The following TACR1 variants were observed in gnomAD, a reference collection of about 807,000 sequenced individuals.
The protein encoded by TACR1 is tachykinin receptor 1.
A neutral mutation model predicts 35.8 loss-of-function variants in TACR1; 25 were observed. The observed-to-expected ratio is 0.70, with a 90% CI of 0.51 to 0.98. TACR1 has a LOEUF of 0.98. Among genes scored for constraint, TACR1 ranks in the 50% least tolerant of loss-of-function variants. TACR1 has a pLI of 0.00. For missense variants in TACR1, 478 were observed against 522.9 expected (o/e 0.91, Z 0.84); for synonymous variants, 195 against 206.7 (o/e 0.94, Z 0.48).
At chr2:75,051,632 C>G (rs1396805123) in intron 3 of TACR1, among the ~76,000 whole-genome samples, 185 bp from the exon 4 acceptor site, 1 of 152,204 alleles carries the variant, frequency 6.6e-6, no homozygotes, top group Non-Finnish European at 1.5e-5. Context: ...GTTATGTCAG[C>G]TGTTCTCAGA....
chr2:75,101,958 A>T (rs1390173468), intron 2 of TACR1, among the ~76,000 whole-genome samples: 1 of 152,088 alleles, frequency 6.6e-6, no homozygotes, highest in African/African-American at 2.4e-5. Context: ...AAAATAAAAA[A>T]TAAAAAAATA....
intron 2 of TACR1, among the ~76,000 whole-genome samples, chr2:75,108,521 A>G (rs1187848206): frequency 6.6e-6 from 1 of 152,212 alleles, no homozygotes; most frequent in Non-Finnish European, 1.5e-5. Context: ...ATTGAACTTA[A>G]TTGTGAAACC....
chr2:75,161,009 T>G (rs534911167), intron 1 of TACR1, among the ~76,000 whole-genome samples: 1 of 152,058 alleles, frequency 6.6e-6, no homozygotes, highest in Non-Finnish European at 1.5e-5. Flanking sequence ...AGAGCCACAT[T>G]TACAAAATTA....
At chr2:75,104,861 C>G (rs72807367) in intron 2 of TACR1, among the ~76,000 whole-genome samples, 1,718 of 152,024 alleles carry the variant, frequency 0.011, 11 homozygotes, top group Non-Finnish European at 0.018. Context: ...GTTATGATGG[C>G]TATTACTAAA....
chr2:75,091,195 T>G, intron 2 of TACR1, among the ~76,000 whole-genome samples: 1 of 114,272 alleles, frequency 8.8e-6, no homozygotes, highest in Admixed American at 1.3e-4. Context: ...TATGGGCTCG[T>G]AGGTGCAAAA....
chr2:75,177,838 C>G (rs1381240578), intron 1 of TACR1, among the ~76,000 whole-genome samples: 5 of 152,196 alleles, frequency 3.3e-5, no homozygotes, highest in African/African-American at 1.2e-4. Context: ...CATGCTTCAA[C>G]ATTGCTTGAC....
At chr2:75,185,865 A>G (rs1176191065) in intron 1 of TACR1, among the ~76,000 whole-genome samples, 2 of 152,332 alleles carry the variant, frequency 1.3e-5, no homozygotes, top group East Asian at 1.9e-4. Context: ...TAGTTTTGCT[A>G]AAACACATTG....
chr2:75,097,077 C>G (rs1163531052), intron 2 of TACR1, among the ~76,000 whole-genome samples: 1 of 152,192 alleles, frequency 6.6e-6, no homozygotes, highest in Non-Finnish European at 1.5e-5. Context: ...TTATTTTTCT[C>G]TCCTCTTTAC....
intron 2 of TACR1, among the ~76,000 whole-genome samples, chr2:75,108,027 T>G (rs896433886): frequency 1.3e-5 from 2 of 151,934 alleles, no homozygotes; most frequent in African/African-American, 4.8e-5. Context: ...AATTAACAAA[T>G]TGAAAAAGCA....
chr2:75,109,952 T>C (rs145996241), intron 2 of TACR1, among the ~76,000 whole-genome samples: 2 of 152,272 alleles, frequency 1.3e-5, no homozygotes, highest in African/African-American at 4.8e-5. Context: ...ATGTTGTTTT[T>C]AAAGGAGAAT....
intron 1 of TACR1, chr2:75,189,338 GAGA>G (rs1183541220): frequency 6.6e-6 from 1 of 152,180 alleles, no homozygotes; most frequent in African/African-American, 2.4e-5. Context: ...GCCTCTTACA[GAGA>G]AGATGATTCT....
chr2:75,065,913 A>G (rs552580340), intron 2 of TACR1, among the ~76,000 whole-genome samples: 7 of 152,306 alleles, frequency 4.6e-5, no homozygotes, highest in African/African-American at 1.7e-4. Context: ...ATAGCCATCC[A>G]TGTCTCTAAG....
At chr2:75,145,826 T>C (rs964695087) in intron 1 of TACR1, among the ~76,000 whole-genome samples, 13 of 152,352 alleles carry the variant, frequency 8.5e-5, no homozygotes, top group African/African-American at 2.9e-4. Context: ...GAGGTTCTTA[T>C]TGCAGATCCA....
chr2:75,148,591 G>C (rs1454696189), intron 1 of TACR1, among the ~76,000 whole-genome samples: 1 of 152,070 alleles, frequency 6.6e-6, no homozygotes, highest in Non-Finnish European at 1.5e-5. Context: ...TTGTAAATCT[G>C]TTTAAGTTCC....
chr2:75,084,266 A>T (rs1463345266), intron 2 of TACR1, among the ~76,000 whole-genome samples: 1 of 152,210 alleles, frequency 6.6e-6, no homozygotes, highest in Non-Finnish European at 1.5e-5. Flanking sequence ...CTTGCATCCC[A>T]GGGATGAAGC....
At position 75,193,663 on chromosome 2, in the gene TACR1, T is replaced by C. The variant is rs574532580; in HGVS notation, c.389+4883A>G. Among the ~76,000 whole-genome samples, 6 of 152,142 alleles carry C rather than the reference T, an allele frequency of 3.9e-5. No individual in the cohort carries two copies. The East Asian group carries it at 1.2e-3, about 29-fold the overall frequency. ...CCTGAAAGGTCATTTCTTTTTTTTT[T>C]AATCAACTTCTCTAAAAATCTTATC... On this transcript the variant is annotated intron_variant, in intron 1 of 4. Transcript: ENST00000305249.
chr2:75,156,887 T>G (rs964856487), intron 1 of TACR1, among the ~76,000 whole-genome samples: 1 of 152,182 alleles, frequency 6.6e-6, no homozygotes, highest in Non-Finnish European at 1.5e-5. Context: ...AGTAAAGAGA[T>G]AGTGAAATGT....
In TACR1 at chr2:75,198,988, A is replaced by G; in HGVS notation, c.-54T>C. Reference sequence around the variant, plus strand: ...TCTGTACACAACCCCCCTCTGCAGCAGAGTCCTGTGGCTGGCGCCTGGGGC... The same window carrying G: ...TCTGTACACAACCCCCCTCTGCAGCGGAGTCCTGTGGCTGGCGCCTGGGGC... On this transcript the variant is annotated 5_prime_UTR_variant, in exon 1 of 5. Transcript: ENST00000305249. 1.9e-6 allele frequency: 3 copies of G among 1,580,766 alleles called. No individual in the cohort carries two copies. Among genetic ancestry groups the G allele is most frequent in the Non-Finnish European group, 2.6e-6 (3 of 1,161,244 alleles).
intron 2 of TACR1, among the ~76,000 whole-genome samples, chr2:75,089,760 T>A (rs1191325330): frequency 1.3e-5 from 2 of 152,170 alleles, no homozygotes; most frequent in South Asian, 4.1e-4. Context: ...GTTTAAATTC[T>A]TAATGTAGAC....
Sources: gnomAD v4.1 joint callset for allele counts (sites outside exome capture counted in the v4.1 genomes callset) on GRCh38, gnomAD v4.1.1 for gene constraint, MANE v1.5 for transcripts, NCBI Gene and HGNC (gene_info 2026-07-23, HGNC 2026-07-21) for gene names.